The following GRB10 variants were observed in gnomAD, a reference collection of about 807,000 sequenced individuals.
GRB10 encodes growth factor receptor bound protein 10, also known as growth factor receptor-bound protein 10.
In GRB10, 20 loss-of-function variants were observed where a neutral mutation model predicts 80.9. That is an observed-to-expected ratio of 0.25 (90% CI 0.17 to 0.36). The LOEUF is 0.36. Among genes scored for constraint, GRB10 ranks in the 10% least tolerant of loss-of-function variants. The pLI, the probability that GRB10 is intolerant of heterozygous loss-of-function variation, is 1.00. For synonymous variants in GRB10, 291 were observed against 291.5 expected, an observed-to-expected ratio of 1.00 and a Z score of 0.02; for missense variants, 548 against 747.7, an observed-to-expected ratio of 0.73 and a Z score of 3.12.
At chr7:50,606,802 G>A in intron 13 of GRB10, 1 of 277,096 alleles carries the variant, frequency 3.6e-6, no homozygotes, top group South Asian at 4.0e-5. Flanking sequence ...TTATGGGACT[G>A]TACTGCATTC....
chr7:50,666,122 T>C (rs891906644), intron 7 of GRB10, among the ~76,000 whole-genome samples: 1 of 152,132 alleles, frequency 6.6e-6, no homozygotes. Flanking sequence ...TCCCTGTCCT[T>C]CTAGATAGAA....
intron 1 of GRB10, chr7:50,792,699 T>G (rs1368245355): frequency 5.4e-6 from 2 of 372,614 alleles, no homozygotes; most frequent in Non-Finnish European, 9.5e-6. Flanking sequence ...TTTGGGAGTG[T>G]CTGGCACCAC....
At chr7:50,786,451 A>G (rs1267348031), upstream of GRB10, among the ~76,000 whole-genome samples, 1 of 152,212 alleles carries the variant, frequency 6.6e-6, no homozygotes, top group African/African-American at 2.4e-5. Flanking sequence ...ACAAAGGCAC[A>G]GAGAATATCC....
At chr7:50,710,849 G>A in intron 4 of GRB10, 1 of 1,611,648 alleles carries the variant, frequency 6.2e-7, no homozygotes, top group Non-Finnish European at 8.5e-7. Context: ...AAGGTACTGA[G>A]TGTTCGGTAG....
At chr7:50,733,262 C>T (rs998416701) in intron 3 of GRB10, among the ~76,000 whole-genome samples, 11 of 152,164 alleles carry the variant, frequency 7.2e-5, no homozygotes, top group Non-Finnish European at 1.3e-4. Context: ...GAAACCAAAT[C>T]GGCCGATACC....
chr7:50,686,565 G>C (rs1323144950), intron 5 of GRB10, among the ~76,000 whole-genome samples: 1 of 152,188 alleles, frequency 6.6e-6, no homozygotes, highest in African/African-American at 2.4e-5. Flanking sequence ...CACAGGGAGA[G>C]AGATTTCACA....
intron 5 of GRB10, among the ~76,000 whole-genome samples, chr7:50,698,182 A>G (rs1010709069): frequency 6.6e-6 from 1 of 152,188 alleles, no homozygotes; most frequent in Non-Finnish European, 1.5e-5. Flanking sequence ...TTTTTTACAT[A>G]AACAGGATAC....
upstream of GRB10, among the ~76,000 whole-genome samples, chr7:50,787,465 G>A (rs2078741870): frequency 6.6e-6 from 1 of 152,164 alleles, no homozygotes; most frequent in Non-Finnish European, 1.5e-5. Context: ...GTTTGCTCTG[G>A]GTGTTGAGGA....
intron 1 of GRB10, among the ~76,000 whole-genome samples, chr7:50,790,379 A>T (rs2078860179): frequency 6.6e-6 from 1 of 152,262 alleles, no homozygotes; most frequent in South Asian, 2.1e-4. Flanking sequence ...AAAATAAAAT[A>T]GCACAGGTTA....
chr7:50,711,014 A>C (rs1217881751), intron 4 of GRB10: 2 of 889,422 alleles, frequency 2.2e-6, no homozygotes, highest in Non-Finnish European at 3.8e-6. Context: ...CAGAAGGCAC[A>C]CTTAATAACT....
intron 5 of GRB10, among the ~76,000 whole-genome samples, chr7:50,685,085 A>C (rs1032208343): frequency 3.3e-5 from 5 of 152,210 alleles, no homozygotes; most frequent in Admixed American, 6.5e-5. Flanking sequence ...CTTTACCATC[A>C]CATCCAATGT....
intron 16 of GRB10, 24 bp from the exon 17 acceptor site, chr7:50,604,109 G>T (rs2048094005): frequency 3.8e-6 from 6 of 1,588,738 alleles, no homozygotes; most frequent in Admixed American, 1.7e-5. Context: ...ACAGGAGGAG[G>T]GTAGGATGGT....
intron 4 of GRB10, chr7:50,710,787 C>CTT: frequency 7.0e-7 from 1 of 1,430,906 alleles, no homozygotes; most frequent in East Asian, 2.3e-5. Flanking sequence ...TCATAGGTCA[C>CTT]TTCTGAGGTT....
intron 6 of GRB10, among the ~76,000 whole-genome samples, chr7:50,673,100 C>A (rs1378543148): frequency 1.3e-5 from 2 of 152,172 alleles, no homozygotes. Flanking sequence ...AGATGTCAGA[C>A]CACAAAGAAA....
chr7:50,740,662 T>TA (rs2071549276), intron 3 of GRB10, among the ~76,000 whole-genome samples: 1 of 145,414 alleles, frequency 6.9e-6, no homozygotes, highest in Non-Finnish European at 1.5e-5. Flanking sequence ...TAAGCCATAA[T>TA]AAAAACATTA....
chr7:50,665,190 G>C (rs1586595161), intron 7 of GRB10, among the ~76,000 whole-genome samples: 1 of 152,284 alleles, frequency 6.6e-6, no homozygotes, highest in South Asian at 2.1e-4. Flanking sequence ...CAGAGCAAAG[G>C]GGGATGTCTG....
At position 50,760,212 on chromosome 7, in the gene GRB10, T is replaced by A. The variant is rs183957475; in HGVS notation, c.-216-4156A>T. On this transcript the variant is annotated intron_variant, in intron 2 of 18. Coordinates refer to ENST00000401949, the MANE Select transcript of GRB10 (RefSeq NM_001350814.2). ...AGAGCGGTGAGAGGCAGGATAAATATACATGCACACATGCACAGAACAGCG... is the reference window on the plus strand; with the variant it reads ...AGAGCGGTGAGAGGCAGGATAAATAAACATGCACACATGCACAGAACAGCG... Among the ~76,000 whole-genome samples, 87 of 152,304 alleles carry A rather than the reference T, an allele frequency of 5.7e-4. 2 individuals are homozygous for A. Among genetic ancestry groups the A allele is most frequent in the Non-Finnish European group, 7.3e-5 (5 of 68,030 alleles).
chr7:50,682,623 T>C (rs113709919), intron 5 of GRB10, among the ~76,000 whole-genome samples: 4 of 152,374 alleles, frequency 2.6e-5, no homozygotes, highest in African/African-American at 9.6e-5. Context: ...ACTACTTTGT[T>C]TCTGTACTTT....
intron 2 of GRB10, among the ~76,000 whole-genome samples, chr7:50,760,388 C>T (rs1038933949): frequency 6.6e-6 from 1 of 152,146 alleles, no homozygotes. Context: ...TGAATGGAAA[C>T]ACGCTAAGTT....
Sources: gnomAD v4.1 joint callset for allele counts (sites outside exome capture counted in the v4.1 genomes callset) on GRCh38, gnomAD v4.1.1 for gene constraint, MANE v1.5 for transcripts, NCBI Gene and HGNC (gene_info 2026-07-23, HGNC 2026-07-21) for gene names.